Variants in AP5M1 observed in about 807,000 individuals in gnomAD.
The protein encoded by AP5M1 is AP-5 complex subunit mu-1.
In AP5M1, 44 loss-of-function variants were observed where a neutral mutation model predicts 52.3. The observed-to-expected ratio is 0.84, with a 90% CI of 0.66 to 1.08. The LOEUF is 1.08. Ranked by LOEUF, AP5M1 falls within the 50% of genes least tolerant of loss-of-function variation. The probability of loss-of-function intolerance (pLI) is 0.00; values close to 1 mark genes in which losing one functional copy is unlikely to be tolerated. For synonymous variants in AP5M1, 213 were observed against 199.0 expected, an observed-to-expected ratio of 1.07 and a Z score of -0.59; for missense variants, 526 against 568.4, an observed-to-expected ratio of 0.93 and a Z score of 0.76.
intron 7 of AP5M1, among the ~76,000 whole-genome samples, chr14:57,287,540 G>A (rs1449365472): frequency 2.0e-5 from 3 of 152,146 alleles, no homozygotes; most frequent in African/African-American, 7.2e-5. Flanking sequence ...ATTTATTTAT[G>A]TTAACTAAAC....
chr14:57,277,415 C>T (rs1885066487), intron 2 of AP5M1, among the ~76,000 whole-genome samples: 4 of 152,022 alleles, frequency 2.6e-5, no homozygotes, highest in African/African-American at 9.7e-5. Context: ...CTTATTTTGT[C>T]TCCATAAATA....
chr14:57,282,253 T>C (rs1351869964), intron 4 of AP5M1, 25 bp downstream of exon 4: 1 of 1,481,402 alleles, frequency 6.8e-7, no homozygotes, highest in Non-Finnish European at 9.0e-7. Context: ...CATATTGCCA[T>C]AATTTCTGTC....
Position 57,297,259 on chromosome 14 carries a change from A to G in AP5M1, c.*8375A>G, listed in dbSNP as rs369139722. On this transcript the variant is annotated 3_prime_UTR_variant, in exon 8 of 8. Coordinates refer to ENST00000261558, the MANE Select transcript of AP5M1 (RefSeq NM_018229.4). ...AAATTAAATACAAAAAAACTCCTAC[A>G]TACTAACTATATGTTTCTCCCACTG... The G allele has an allele frequency of 5.3e-5, 8 of 152,172 alleles. No homozygotes were observed. Among genetic ancestry groups the G allele is most frequent in the East Asian group, 1.9e-4 (1 of 5,180 alleles). The allele number at this position is 152,172 out of a possible 1,614,324, so 9.4% of individuals were successfully genotyped here. A position where few individuals can be genotyped will look rare whatever the true frequency, so the allele number is the denominator to read the frequency against.
At position 57,296,729 on chromosome 14, in the gene AP5M1, G is replaced by A. The variant is rs886955757; in HGVS notation, c.*7845G>A. 6.6e-6 allele frequency: 1 copy of A among 152,014 alleles called. No homozygotes were observed. The highest frequency in any genetic ancestry group is 1.5e-5 in the Non-Finnish European group (1 of 67,974). 9.4% of individuals were successfully genotyped at this position (152,014 alleles called of 1,614,324 possible). A position where few individuals can be genotyped will look rare whatever the true frequency, so the allele number is the denominator to read the frequency against. On this transcript the variant is annotated 3_prime_UTR_variant, in exon 8 of 8. Coordinates refer to ENST00000261558, the MANE Select transcript of AP5M1 (RefSeq NM_018229.4). ...CTAAACACAATTGAACATAAGGTAT[G>A]GCTTGGAATTTAGAACTGCTGAGCA...
chr14:57,275,470 G>GAGAA (rs1594699753), intron 2 of AP5M1: 2 of 152,272 alleles, frequency 1.3e-5, no homozygotes, highest in African/African-American at 4.9e-5. Flanking sequence ...GAAGAGAAAA[G>GAGAA]AGAGAGGAGA....
Position 57,269,243 on chromosome 14 carries a change from G to A in AP5M1, c.-72G>A. 1 of 1,447,412 alleles carries A rather than the reference G, an allele frequency of 6.9e-7. No individual in the cohort carries two copies. 89.7% of individuals were successfully genotyped at this position (1,447,412 alleles called of 1,614,324 possible). A position where few individuals can be genotyped will look rare whatever the true frequency, so the allele number is the denominator to read the frequency against. On this transcript the variant is annotated 5_prime_UTR_variant, in exon 1 of 8. Transcript: ENST00000261558. ...GGGCTTCTGTTAAGAGTCTGTCTGA[G>A]AAAGCCGGTCTGCGCTGTTCCTCGG...
chr14:57,275,195 G>A (rs1884996639), intron 2 of AP5M1: 3 of 380,612 alleles, frequency 7.9e-6, no homozygotes. Context: ...TTGCAGTCAA[G>A]TTTTCAGTTG....
chr14:57,295,229 A>C lies in AP5M1; in HGVS notation c.*6345A>C, dbSNP rs888893825. ...AATTAACTTACTTGGTGAAGCTGCC[A>C]GGGAAACTAAATATGATGAGAAGAA... On this transcript the variant is annotated 3_prime_UTR_variant, in exon 8 of 8. Transcript: ENST00000261558. The C allele has an allele frequency of 6.6e-6, 1 of 151,972 alleles. No homozygotes were observed. The highest frequency in any genetic ancestry group is 1.5e-5 in the Non-Finnish European group (1 of 67,900). 9.4% of individuals were successfully genotyped at this position (151,972 alleles called of 1,614,324 possible).
At chr14:57,281,169 C>G (rs1885165797) in intron 3 of AP5M1, among the ~76,000 whole-genome samples, 1 of 152,130 alleles carries the variant, frequency 6.6e-6, no homozygotes, top group African/African-American at 2.4e-5. Context: ...TGTAGTACTG[C>G]TAACAACCTT....
intron 1 of AP5M1, among the ~76,000 whole-genome samples, chr14:57,269,913 G>A (rs1227641037): frequency 2.0e-5 from 3 of 152,000 alleles, no homozygotes; most frequent in Non-Finnish European, 4.4e-5. Context: ...GGTTCATGCC[G>A]TTCTCCTGCC....
chr14:57,289,163 C>G lies in AP5M1; in HGVS notation c.*279C>G. The G allele has an allele frequency of 4.9e-6, 1 of 205,174 alleles. No homozygotes were observed. The highest frequency in any genetic ancestry group is 9.6e-6 in the Non-Finnish European group (1 of 103,636). 12.7% of individuals were successfully genotyped at this position (205,174 alleles called of 1,614,324 possible). A position where few individuals can be genotyped will look rare whatever the true frequency, so the allele number is the denominator to read the frequency against. Reference sequence around the variant, plus strand: ...GGCTCATTTTAGACTGGTCCTGGGTCACCCTGCCACACTTGTTTCCTAGTG... The same window carrying G: ...GGCTCATTTTAGACTGGTCCTGGGTGACCCTGCCACACTTGTTTCCTAGTG... On this transcript the variant is annotated 3_prime_UTR_variant, in exon 8 of 8. Transcript: ENST00000261558.
rs58786398 is a variant in AP5M1, at chr14:57,286,996, T to TACAC, written c.1390+704_1390+707dup. ...ATCTATATGTGTGTACACACACACA[T>TACAC]ACACACACACACACACACACACACA... is the stretch of plus-strand genomic sequence containing the variant. On this transcript the variant is annotated intron_variant, in intron 7 of 7. Coordinates refer to ENST00000261558, the MANE Select transcript of AP5M1 (RefSeq NM_018229.4). Among the ~76,000 whole-genome samples the TACAC allele has an allele frequency of 2.2e-3, 305 of 140,516 alleles. 2 individuals are homozygous for TACAC. The highest frequency in any genetic ancestry group is 3.9e-3 in the Non-Finnish European group (238 of 61,490). 92.2% of individuals were successfully genotyped at this position (140,516 alleles called of 152,430 possible).
At chr14:57,279,423 G>A (rs902704762) in intron 2 of AP5M1, among the ~76,000 whole-genome samples, 3 of 152,124 alleles carry the variant, frequency 2.0e-5, no homozygotes, top group Non-Finnish European at 2.9e-5. Context: ...GCAAACTAAT[G>A]CTGGAACAGA....
At position 57,294,048 on chromosome 14, in the gene AP5M1, G is replaced by A. The variant is rs1885498511; in HGVS notation, c.*5164G>A. 6.6e-6 allele frequency: 1 copy of A among 151,778 alleles called. No homozygotes were observed. The highest frequency in any genetic ancestry group is 2.1e-4 in the South Asian group (1 of 4,836). The allele number at this position is 151,778 out of a possible 1,614,324, so 9.4% of individuals were successfully genotyped here. ...TTTCATGGATATAACATTAGTGTTT[G>A]TGTATAGCCTGGAACAATACAAGGC... is the stretch of plus-strand genomic sequence containing the variant. On this transcript the variant is annotated 3_prime_UTR_variant, in exon 8 of 8. Transcript: ENST00000261558.
chr14:57,291,020 G>C lies in AP5M1; in HGVS notation c.*2136G>C, dbSNP rs1490674020. 1 of 151,842 alleles carries C rather than the reference G, an allele frequency of 6.6e-6. No homozygotes were observed. The highest frequency in any genetic ancestry group is 1.9e-4 in the East Asian group (1 of 5,170). The allele number at this position is 151,842 out of a possible 1,614,324, so 9.4% of individuals were successfully genotyped here. A position where few individuals can be genotyped will look rare whatever the true frequency, so the allele number is the denominator to read the frequency against. ...CGTTGCCACAATTAAAGAAGAAACA[G>C]CTGCATTTCAAAGGGATTCCGATTC... On this transcript the variant is annotated 3_prime_UTR_variant, in exon 8 of 8. Transcript: ENST00000261558.
intron 1 of AP5M1, chr14:57,273,877 A>T (rs1884952415): frequency 1.7e-6 from 1 of 603,476 alleles, no homozygotes; most frequent in African/African-American, 1.8e-5. Context: ...CAGAAGAAAA[A>T]AAATTCTTAT....
intron 2 of AP5M1, 47 bp downstream of exon 2, chr14:57,274,936 G>A (rs1340941389): frequency 1.9e-6 from 3 of 1,598,952 alleles, no homozygotes; most frequent in African/African-American, 1.3e-5. Context: ...TTTAACATAT[G>A]GAGAAAAGTT....
chr14:57,287,318 T>G (rs1178044800), intron 7 of AP5M1, among the ~76,000 whole-genome samples: 1 of 152,114 alleles, frequency 6.6e-6, no homozygotes, highest in Non-Finnish European at 1.5e-5. Context: ...CCATGTACAT[T>G]TCAAGAGAAT....
intron 6 of AP5M1, 108 bp from the exon 7 acceptor site, chr14:57,286,115 G>T: frequency 1.4e-6 from 1 of 696,276 alleles, no homozygotes; most frequent in South Asian, 1.8e-5. Flanking sequence ...TTTTTATTTT[G>T]TGAACTGTGT....
Sources: allele counts gnomAD v4.1 joint callset (sites outside exome capture counted in the v4.1 genomes callset), GRCh38; gene constraint gnomAD v4.1.1; transcripts MANE v1.5; gene names NCBI Gene and HGNC (gene_info 2026-07-23, HGNC 2026-07-21).